Variants in KIF16B observed in about 807,000 individuals in gnomAD.
KIF16B encodes kinesin-like protein KIF16B.
A neutral mutation model predicts 156.3 loss-of-function variants in KIF16B; 98 were observed. The ratio of observed to expected loss-of-function variants is 0.63; its 90% CI spans 0.53 to 0.74. The LOEUF is 0.74. Ranked by LOEUF, KIF16B falls within the 30% of genes least tolerant of loss-of-function variation. The probability of loss-of-function intolerance (pLI) is 0.00; values close to 1 mark genes in which losing one functional copy is unlikely to be tolerated. For missense variants in KIF16B, 1,421 were observed against 1,606.5 expected (o/e 0.88, Z 1.97); for synonymous variants, 564 against 583.7 (o/e 0.97, Z 0.49).
At chr20:16,429,822 C>T (rs776393951) in intron 13 of KIF16B, 41 bp downstream of exon 13, 3 of 1,569,570 alleles carry the variant, frequency 1.9e-6, no homozygotes, top group African/African-American at 1.4e-5. Context: ...AATGGAGAAA[C>T]TGGAAACAAA....
At chr20:16,283,494 C>T (rs1024900675) in intron 25 of KIF16B, among the ~76,000 whole-genome samples, 1 of 152,152 alleles carries the variant, frequency 6.6e-6, no homozygotes, top group Non-Finnish European at 1.5e-5. Context: ...CCCTGGGGAG[C>T]AGCGAGCCGT....
At chr20:16,547,818 T>C (rs1232352695) in intron 1 of KIF16B, among the ~76,000 whole-genome samples, 3 of 152,238 alleles carry the variant, frequency 2.0e-5, no homozygotes, top group African/African-American at 7.2e-5. Flanking sequence ...GTCCACGGCA[T>C]GCTGCATCTG....
rs537585427 is a variant in KIF16B at position 16,542,585 on chromosome 20, A to G, written c.48-14145T>C. Among the ~76,000 whole-genome samples, 19 of 152,376 alleles carry G rather than the reference A, an allele frequency of 1.2e-4. 1 individual carries two copies. The highest frequency in any genetic ancestry group is 4.6e-4 in the African/African-American group (19 of 41,598). On this transcript the variant is annotated intron_variant, in intron 1 of 25. Transcript: ENST00000354981. ...GGGTGAGATATGAACAAACACCTGA[A>G]CGGGGCCAGGCAAATGGCCCAGATA...
At chr20:16,519,943 A>G (rs2069278128) in intron 3 of KIF16B, among the ~76,000 whole-genome samples, 2 of 152,136 alleles carry the variant, frequency 1.3e-5, no homozygotes, top group Non-Finnish European at 2.9e-5. Flanking sequence ...CCCCTAGCCA[A>G]GGGAAGCCAT....
chr20:16,348,812 T>A (rs1419042857), intron 23 of KIF16B, among the ~76,000 whole-genome samples: 1 of 152,170 alleles, frequency 6.6e-6, no homozygotes, highest in Non-Finnish European at 1.5e-5. Context: ...GGCCACAGGT[T>A]GATAAACTGT....
At chr20:16,491,695 C>T (rs6044023) in intron 12 of KIF16B, among the ~76,000 whole-genome samples, 34,381 of 152,072 alleles carry the variant, frequency 0.23, 4,463 homozygotes, top group East Asian at 0.35. Context: ...GTTCTGAGTT[C>T]TGCAGATCAA....
chr20:16,471,571 G>A (rs574325489), intron 12 of KIF16B, among the ~76,000 whole-genome samples: 7 of 152,238 alleles, frequency 4.6e-5, no homozygotes, highest in East Asian at 1.9e-4. Flanking sequence ...ATATTTAACC[G>A]CAAACAGCAT....
chr20:16,529,673 C>T lies in KIF16B; in HGVS notation c.48-1233G>A, dbSNP rs184811941. On this transcript the variant is annotated intron_variant, in intron 1 of 25. Transcript: ENST00000354981. The stretch of plus-strand genomic sequence containing the variant: ...GTTAAGTAAAAACTGTAGTCCTGGC[C>T]GAGCACGGTGGCTCACGCCTGTAAT... Among the ~76,000 whole-genome samples the T allele has an allele frequency of 4.2e-4, 64 of 152,262 alleles. No individual in the cohort carries two copies. The East Asian group carries it at 8.9e-3, about 21-fold the overall frequency.
chr20:16,378,278 GA>G (rs1249974425), intron 19 of KIF16B, among the ~76,000 whole-genome samples: 1 of 151,836 alleles, frequency 6.6e-6, no homozygotes, highest in African/African-American at 2.4e-5. Flanking sequence ...GGGAGAGAAG[GA>G]AAGAGACAGG....
At position 16,427,092 on chromosome 20, in the gene KIF16B, A is replaced by G; in HGVS notation, c.1612+12T>C. Reference sequence around the variant, plus strand: ...ATATATACAAAGACCTGTGAAAATTAAAACCAGATACCTTGATTTAGATGT... The same window carrying G: ...ATATATACAAAGACCTGTGAAAATTGAAACCAGATACCTTGATTTAGATGT... On this transcript the variant is annotated intron_variant, in intron 15 of 25. Coordinates refer to ENST00000354981, the MANE Select transcript of KIF16B (RefSeq NM_024704.5). 6.3e-7 allele frequency: 1 copy of G among 1,589,626 alleles called. No individual in the cohort carries two copies. The highest frequency in any genetic ancestry group is 8.5e-7 in the Non-Finnish European group (1 of 1,170,344).
At position 16,472,943 on chromosome 20, in the gene KIF16B, C is replaced by A. The variant is rs530616558; in HGVS notation, c.1302+21348G>T. Among the ~76,000 whole-genome samples the A allele has an allele frequency of 5.3e-5, 8 of 152,268 alleles. No homozygotes were observed. The South Asian group carries it at 1.7e-3, about 32-fold the overall frequency. ...ATATCAATACTCAGAGGATAAAAAC[C>A]ATATCTAGGTTCTGAGAAACTAAGC... On this transcript the variant is annotated intron_variant, in intron 12 of 25. Coordinates refer to ENST00000354981, the MANE Select transcript of KIF16B (RefSeq NM_024704.5).
At chr20:16,299,890 C>T (rs895803006) in intron 25 of KIF16B, among the ~76,000 whole-genome samples, 6 of 152,152 alleles carry the variant, frequency 3.9e-5, no homozygotes, top group African/African-American at 1.4e-4. Context: ...TTTATACTAA[C>T]AGTTAAATCT....
intron 25 of KIF16B, among the ~76,000 whole-genome samples, chr20:16,310,815 T>C (rs1175777633): frequency 6.6e-6 from 1 of 152,240 alleles, no homozygotes; most frequent in Non-Finnish European, 1.5e-5. Flanking sequence ...CTTCTTCAGA[T>C]GTGTAACTCT....
intron 17 of KIF16B, among the ~76,000 whole-genome samples, chr20:16,403,444 C>G (rs988946130): frequency 1.3e-5 from 2 of 152,188 alleles, no homozygotes; most frequent in East Asian, 3.8e-4. Context: ...TTTCAGAGGT[C>G]TGATTGATAT....
At chr20:16,520,459 T>G (rs2069305561) in intron 3 of KIF16B, among the ~76,000 whole-genome samples, 1 of 152,182 alleles carries the variant, frequency 6.6e-6, no homozygotes, top group Non-Finnish European at 1.5e-5. Flanking sequence ...AAAGCCGCTG[T>G]AGCCAGACTG....
intron 15 of KIF16B, among the ~76,000 whole-genome samples, chr20:16,414,250 T>C (rs2066031177): frequency 6.6e-6 from 1 of 151,868 alleles, no homozygotes; most frequent in Non-Finnish European, 1.5e-5. Context: ...GGTAAGAAAA[T>C]TTCACATAAA....
intron 12 of KIF16B, among the ~76,000 whole-genome samples, chr20:16,448,976 C>T (rs2067008259): frequency 6.6e-6 from 1 of 151,932 alleles, no homozygotes; most frequent in Non-Finnish European, 1.5e-5. Flanking sequence ...ATACAATCTA[C>T]ACTTCAAATA....
intron 25 of KIF16B, among the ~76,000 whole-genome samples, chr20:16,280,044 T>C (rs2063122986): frequency 1.3e-5 from 2 of 152,362 alleles, no homozygotes; most frequent in African/African-American, 2.4e-5. Context: ...AAGGTCATTA[T>C]ATTACTATGA....
rs747075661 is a variant in KIF16B, at chr20:16,427,141, A to G, written c.1575T>C (p.Asn525=). The change falls in exon 15 of 26, where the codon AAT becomes AAC. Residue 525 remains asparagine (N), a synonymous_variant. Coordinates refer to ENST00000354981, the MANE Select transcript of KIF16B (RefSeq NM_024704.5). ...GTGTGGCCTCCACGATCTGAACACC[A>G]TTCACAGAGCACTGGGACCCACTCA... is the stretch of plus-strand genomic sequence containing the variant. The part of the protein sequence containing the change: ...IPLSGSQCSV[N]GVQIVEATHL... The G allele has an allele frequency of 6.2e-6, 10 of 1,612,078 alleles. No individual in the cohort carries two copies. The Admixed American group carries it at 1.7e-4, about 27-fold the overall frequency.
Sources: gnomAD v4.1 joint callset for allele counts (sites outside exome capture counted in the v4.1 genomes callset) on GRCh38, gnomAD v4.1.1 for gene constraint, MANE v1.5 for transcripts, NCBI Gene and HGNC (gene_info 2026-07-23, HGNC 2026-07-21) for gene names.